PNPLA1: variants seen among roughly 807,000 people sequenced by gnomAD.
PNPLA1 encodes the protein omega-hydroxyceramide transacylase.
In PNPLA1, 36 loss-of-function variants were observed where a neutral mutation model predicts 51.7. That is an observed-to-expected ratio of 0.70 (90% CI 0.53 to 0.92). PNPLA1 has a LOEUF of 0.92. Ranked by LOEUF, PNPLA1 falls within the 40% of genes least tolerant of loss-of-function variation. PNPLA1 has a pLI of 0.00. For synonymous variants in PNPLA1, 293 were observed against 280.1 expected, an observed-to-expected ratio of 1.05 and a Z score of -0.46; for missense variants, 658 against 682.5, an observed-to-expected ratio of 0.96 and a Z score of 0.40.
intron 1 of PNPLA1, among the ~76,000 whole-genome samples, chr6:36,289,356 C>T (rs773368904): frequency 1.3e-5 from 2 of 152,116 alleles, no homozygotes; most frequent in Admixed American, 6.5e-5. Context: ...GTGTTATGGG[C>T]GAGACCTCAG....
rs934922378 is a variant in PNPLA1, at chr6:36,313,088, T to G, written c.*1202T>G. 1.3e-5 allele frequency among the ~76,000 whole-genome samples: 2 copies of G among 152,064 alleles called. No individual in the cohort carries two copies. Among genetic ancestry groups the G allele is most frequent in the Non-Finnish European group, 2.9e-5 (2 of 68,002 alleles). On this transcript the variant is annotated 3_prime_UTR_variant, in exon 9 of 9. Coordinates refer to ENST00000636260, the MANE Select transcript of PNPLA1 (RefSeq NM_001374623.1). Reference sequence around the variant, plus strand: ...TGGTCAGGCAGCCCAGGCATTGAGATCTTTAGAGCTCCCCCGGGATTATGT... The same window carrying G: ...TGGTCAGGCAGCCCAGGCATTGAGAGCTTTAGAGCTCCCCCGGGATTATGT...
At chr6:36,270,769 C>A in intron 1 of PNPLA1, 105 bp downstream of exon 1, 1 of 1,332,208 alleles carries the variant, frequency 7.5e-7, no homozygotes, top group Non-Finnish European at 1.0e-6. Flanking sequence ...AAAGCCAGGC[C>A]TGGGTGGCAG....
chr6:36,256,354 T>G (rs1769533651), intron 1 of PNPLA1, among the ~76,000 whole-genome samples: 1 of 152,122 alleles, frequency 6.6e-6, no homozygotes, highest in Non-Finnish European at 1.5e-5. Context: ...TCACATACAT[T>G]TACTGAAACT....
At chr6:36,291,788 A>T (rs975000236) in intron 2 of PNPLA1, among the ~76,000 whole-genome samples, 1 of 152,140 alleles carries the variant, frequency 6.6e-6, no homozygotes, top group South Asian at 2.1e-4. Flanking sequence ...CTTCACATCC[A>T]TCCTGCCCGG....
chr6:36,250,635 G>T (rs1269735355), intron 1 of PNPLA1, among the ~76,000 whole-genome samples: 4 of 152,210 alleles, frequency 2.6e-5, no homozygotes, highest in Non-Finnish European at 5.9e-5. Flanking sequence ...CATAAGAAGA[G>T]ATAACCGTCT....
intron 1 of PNPLA1, among the ~76,000 whole-genome samples, chr6:36,254,362 C>T (rs951866898): frequency 6.6e-6 from 1 of 151,970 alleles, no homozygotes; most frequent in Non-Finnish European, 1.5e-5. Flanking sequence ...ATTGCCTGAA[C>T]CCAGGAGCTT....
Position 36,293,459 on chromosome 6 carries a change from T to A in PNPLA1, c.504+333T>A, listed in dbSNP as rs914218650. On this transcript the variant is annotated intron_variant, in intron 3 of 8. Coordinates refer to ENST00000636260, the MANE Select transcript of PNPLA1 (RefSeq NM_001374623.1). ...GACCTGGAAACTCAAATGATGAGGATGTTTTCTGAGGCCTGTAGGCCAGGG... is the reference window on the plus strand; with the variant it reads ...GACCTGGAAACTCAAATGATGAGGAAGTTTTCTGAGGCCTGTAGGCCAGGG... Among the ~76,000 whole-genome samples, 3 of 152,210 alleles carry A rather than the reference T, an allele frequency of 2.0e-5. No individual in the cohort carries two copies. The East Asian group carries it at 5.8e-4, about 29-fold the overall frequency.
intron 1 of PNPLA1, among the ~76,000 whole-genome samples, chr6:36,249,275 C>T (rs557262302): frequency 3.5e-4 from 54 of 152,196 alleles, no homozygotes; most frequent in African/African-American, 1.1e-3. Context: ...TTCCTGAGAA[C>T]TAAAAAATAT....
chr6:36,299,058 T>C (rs776973913), intron 5 of PNPLA1, among the ~76,000 whole-genome samples: 8 of 152,058 alleles, frequency 5.3e-5, no homozygotes, highest in Non-Finnish European at 1.2e-4. Flanking sequence ...TTTTTAGAGC[T>C]GAATATATTC....
intron 2 of PNPLA1, 46 bp downstream of exon 2, chr6:36,291,598 A>AACGGGGGGGGGGGGGGGGG: frequency 2.8e-6 from 1 of 362,222 alleles, no homozygotes. Flanking sequence ...GGGGCGGGGG[A>AACGGGGGGGGGGGGGGGGG]GGGCGGCTCC....
At chr6:36,253,208 G>A (rs1310557938) in intron 1 of PNPLA1, among the ~76,000 whole-genome samples, 2 of 151,984 alleles carry the variant, frequency 1.3e-5, no homozygotes, top group African/African-American at 2.4e-5. Flanking sequence ...GGCAATAGAG[G>A]GGAAGTCTAG....
upstream of PNPLA1, among the ~76,000 whole-genome samples, chr6:36,269,727 C>T (rs765410554): frequency 7.3e-4 from 111 of 152,132 alleles, 2 homozygotes; most frequent in Non-Finnish European, 2.9e-4. Flanking sequence ...CCGCCAAAGT[C>T]ACACTTCTCT....
chr6:36,296,084 G>T (rs1770850012), intron 5 of PNPLA1, among the ~76,000 whole-genome samples: 1 of 152,182 alleles, frequency 6.6e-6, no homozygotes, highest in Non-Finnish European at 1.5e-5. Flanking sequence ...GGCAAGGCAG[G>T]AGAATCACTT....
intron 5 of PNPLA1, among the ~76,000 whole-genome samples, chr6:36,297,967 C>T (rs1234107442): frequency 3.3e-5 from 5 of 152,090 alleles, no homozygotes; most frequent in Non-Finnish European, 5.9e-5. Flanking sequence ...TTCGTGATCC[C>T]TCCCACCTTC....
chr6:36,247,564 G>T (rs769513762), intron 1 of PNPLA1, among the ~76,000 whole-genome samples: 2 of 152,210 alleles, frequency 1.3e-5, no homozygotes, highest in Non-Finnish European at 2.9e-5. Context: ...TATAGTCGAT[G>T]AATGAATTTT....
At chr6:36,262,089 T>C (rs1053911500) in intron 1 of PNPLA1, among the ~76,000 whole-genome samples, 1 of 152,168 alleles carries the variant, frequency 6.6e-6, no homozygotes, top group African/African-American at 2.4e-5. Flanking sequence ...CAGAGGTTCT[T>C]CCAACCCTGC....
At chr6:36,287,805 G>A (rs1770546057) in intron 1 of PNPLA1, among the ~76,000 whole-genome samples, 1 of 150,860 alleles carries the variant, frequency 6.6e-6, no homozygotes, top group African/African-American at 2.4e-5. Flanking sequence ...CCCCTGGAGA[G>A]AAGTAAGAAG....
rs1771188869 is a variant in PNPLA1, at chr6:36,305,074, T to C, written c.1385-1218T>C. 1.3e-5 allele frequency among the ~76,000 whole-genome samples: 2 copies of C among 152,194 alleles called. 1 individual carries two copies. The highest frequency in any genetic ancestry group is 4.1e-4 in the South Asian group (2 of 4,828). Reference sequence around the variant, plus strand: ...GACATCCTAGGCCATCTATGTGAGTTAGGCAGAGCTGAGACCCCCTAGAGC... The same window carrying C: ...GACATCCTAGGCCATCTATGTGAGTCAGGCAGAGCTGAGACCCCCTAGAGC... On this transcript the variant is annotated intron_variant, in intron 6 of 8. Transcript: ENST00000636260.
At chr6:36,293,231 A>T in intron 3 of PNPLA1, 105 bp downstream of exon 3, 2 of 1,145,126 alleles carry the variant, frequency 1.7e-6, no homozygotes, top group Non-Finnish European at 2.6e-6. Context: ...ATGCAGCGGG[A>T]GGACCTAGAG....
Sources: allele counts gnomAD v4.1 joint callset (sites outside exome capture counted in the v4.1 genomes callset), GRCh38; gene constraint gnomAD v4.1.1; transcripts MANE v1.5; gene names NCBI Gene and HGNC (gene_info 2026-07-23, HGNC 2026-07-21).